ARHGEF7: variants seen among roughly 807,000 people sequenced by gnomAD.
ARHGEF7 encodes the protein PAK-interacting exchange factor beta.
A neutral mutation model predicts 109.8 loss-of-function variants in ARHGEF7; 33 were observed. The observed-to-expected ratio is 0.30, with a 90% CI of 0.23 to 0.40. The LOEUF is 0.40. Among genes scored for constraint, ARHGEF7 ranks in the 10% least tolerant of loss-of-function variants. The pLI is 1.00. For missense variants in ARHGEF7, 938 were observed against 1,098.5 expected (o/e 0.85, Z 2.07); for synonymous variants, 458 against 424.6 (o/e 1.08, Z -0.97).
At chr13:111,237,013 T>C (rs920869779) in intron 6 of ARHGEF7, among the ~76,000 whole-genome samples, 3 of 152,136 alleles carry the variant, frequency 2.0e-5, no homozygotes, top group African/African-American at 7.2e-5. Flanking sequence ...CTCTTGCCAG[T>C]GATCTGTATG....
chr13:111,227,820 C>T (rs2085418760), intron 5 of ARHGEF7, among the ~76,000 whole-genome samples: 1 of 152,208 alleles, frequency 6.6e-6, no homozygotes, highest in African/African-American at 2.4e-5. Flanking sequence ...TGGCAGATAC[C>T]TCCTGATGCC....
At chr13:111,279,554 T>G (rs1216700763) in intron 13 of ARHGEF7, among the ~76,000 whole-genome samples, 1 of 152,238 alleles carries the variant, frequency 6.6e-6, no homozygotes, top group Non-Finnish European at 1.5e-5. Context: ...AGACGCCCAC[T>G]GCCTCTTCCT....
chr13:111,277,822 G>A (rs779821012), intron 13 of ARHGEF7, 149 bp downstream of exon 13: 2 of 572,276 alleles, frequency 3.5e-6, no homozygotes, highest in Admixed American at 3.1e-5. Flanking sequence ...TACAGCTCCT[G>A]TTTGTGTTTC....
intron 1 of ARHGEF7, among the ~76,000 whole-genome samples, chr13:111,136,493 T>C (rs1485766975): frequency 2.0e-5 from 3 of 152,234 alleles, no homozygotes; most frequent in Non-Finnish European, 4.4e-5. Context: ...CCTGAATGAC[T>C]ACTGGGTACA....
At position 111,239,609 on chromosome 13, in the gene ARHGEF7, C is replaced by A. The variant is rs2087414913; in HGVS notation, c.760-4263C>A. On this transcript the variant is annotated intron_variant, in intron 6 of 21. Coordinates refer to ENST00000646102, the MANE Select transcript of ARHGEF7 (RefSeq NM_001354046.2). This position sits in a 1 kb window ranked among gnomAD's most constrained non-coding sequence, Gnocchi z 4.3. ...AAGATTTCTGTTAAATCTTTTGACT[C>A]CTGAAGTCTCTGCTTGGGGCCCGTA... Among the ~76,000 whole-genome samples the A allele has an allele frequency of 6.6e-6, 1 of 152,026 alleles. No individual in the cohort carries two copies. The highest frequency in any genetic ancestry group is 1.5e-5 in the Non-Finnish European group (1 of 67,992).
intron 8 of ARHGEF7, among the ~76,000 whole-genome samples, chr13:111,254,059 A>C (rs2090113698): frequency 6.6e-6 from 1 of 152,112 alleles, no homozygotes; most frequent in Non-Finnish European, 1.5e-5. Context: ...CTCAAGTTGA[A>C]CCATTGTGGT....
intron 15 of ARHGEF7, 182 bp downstream of exon 15, chr13:111,280,859 A>G (rs930027228): frequency 1.4e-5 from 9 of 663,572 alleles, no homozygotes; most frequent in African/African-American, 5.6e-5. Context: ...TTGTTTTCCA[A>G]TGAGTGTTCT....
intron 15 of ARHGEF7, chr13:111,280,914 G>A: frequency 5.5e-6 from 2 of 366,600 alleles, no homozygotes; most frequent in Non-Finnish European, 9.5e-6. Flanking sequence ...CAGTTCAGAG[G>A]TGCTTGGGTG....
At chr13:111,247,728 A>G (rs2089130772) in intron 8 of ARHGEF7, among the ~76,000 whole-genome samples, 1 of 152,224 alleles carries the variant, frequency 6.6e-6, no homozygotes, top group African/African-American at 2.4e-5. Context: ...TTCTATAAAC[A>G]AAGTTTCACT....
intron 17 of ARHGEF7, among the ~76,000 whole-genome samples, chr13:111,286,627 G>A (rs1369189745): frequency 6.6e-6 from 1 of 152,138 alleles, no homozygotes. Flanking sequence ...GACCTGCTGT[G>A]TTCTCCTGTG....
intron 8 of ARHGEF7, among the ~76,000 whole-genome samples, chr13:111,245,504 G>A (rs753129500): frequency 6.6e-5 from 10 of 152,112 alleles, no homozygotes; most frequent in African/African-American, 1.9e-4. Flanking sequence ...TTCAAATGCC[G>A]ATCAACTGTA....
intron 1 of ARHGEF7, among the ~76,000 whole-genome samples, chr13:111,126,463 C>T (rs1441173466): frequency 1.3e-5 from 2 of 150,404 alleles, no homozygotes; most frequent in Admixed American, 6.7e-5. Flanking sequence ...GCACTCCAGC[C>T]TGGGCAGCTG....
Position 111,209,881 on chromosome 13 carries a change from T to G in ARHGEF7, c.347T>G (p.Leu116Arg). 2 of 1,614,204 alleles carry G rather than the reference T, an allele frequency of 1.2e-6. No individual in the cohort carries two copies. Among genetic ancestry groups the G allele is most frequent in the Non-Finnish European group, 1.7e-6 (2 of 1,180,028 alleles). The change falls in exon 4 of 22, where the codon CTG (leucine) becomes CGG (arginine). Residue 116 changes from leucine (L) to arginine (R), a missense_variant. Leu to Arg is a moderately radical substitution (Grantham distance 102). This residue lies in a region of ARHGEF7 where 585 missense variants were observed against 723.6 expected (regional missense o/e 0.81). Coordinates refer to ENST00000646102, the MANE Select transcript of ARHGEF7 (RefSeq NM_001354046.2). Reference sequence around the variant, plus strand: ...TGCATGCTCTTTGCAGACATCGGGCTGGGGAGTGACTCCGTGTGTGCCCGG... The same window carrying G: ...TGCATGCTCTTTGCAGACATCGGGCGGGGGAGTGACTCCGTGTGTGCCCGG... ...TLNKVTADIG[L>R]GSDSVCARPS...
chr13:111,262,409 T>TGTGC (rs2091198089), intron 8 of ARHGEF7, among the ~76,000 whole-genome samples: 1 of 151,876 alleles, frequency 6.6e-6, no homozygotes, highest in Non-Finnish European at 1.5e-5. Context: ...TGTGTGTGTG[T>TGTGC]GTGCATGTGT....
chr13:111,167,884 G>A (rs1314196105), intron 2 of ARHGEF7, among the ~76,000 whole-genome samples: 5 of 152,330 alleles, frequency 3.3e-5, no homozygotes, highest in East Asian at 3.9e-4. Flanking sequence ...ACACCAGAGC[G>A]TGACAGCGAC....
At chr13:111,188,238 CT>C (rs1467541118) in intron 2 of ARHGEF7, among the ~76,000 whole-genome samples, 5 of 152,216 alleles carry the variant, frequency 3.3e-5, no homozygotes, top group Non-Finnish European at 5.9e-5. Flanking sequence ...AGGCCTTAGG[CT>C]GCCAGAATCC....
At chr13:111,262,219 G>A (rs2091168024) in intron 8 of ARHGEF7, among the ~76,000 whole-genome samples, 1 of 152,104 alleles carries the variant, frequency 6.6e-6, no homozygotes, top group Non-Finnish European at 1.5e-5. Flanking sequence ...AAAAAGAGAA[G>A]ACCCAAATAA....
At chr13:111,199,861 C>T (rs151015522) in intron 2 of ARHGEF7, among the ~76,000 whole-genome samples, 95 of 152,222 alleles carry the variant, frequency 6.2e-4, no homozygotes, top group African/African-American at 2.1e-3. Flanking sequence ...CAGTGGGGAA[C>T]GGGCACCAGA....
chr13:111,280,477 T>C, intron 14 of ARHGEF7, 61 bp from the exon 15 acceptor site: 10 of 1,576,988 alleles, frequency 6.3e-6, no homozygotes, highest in Non-Finnish European at 8.6e-6. Flanking sequence ...CTGGGGGGTG[T>C]GCACGCACGT....
Sources: gnomAD v4.1 joint callset for allele counts (sites outside exome capture counted in the v4.1 genomes callset) on GRCh38, gnomAD v4.1.1 for gene constraint, gnomAD v4.1.1 regional missense constraint, Gnocchi (gnomAD v3.1) non-coding constraint, MANE v1.5 for transcripts, NCBI Gene and HGNC (gene_info 2026-07-23, HGNC 2026-07-21) for gene names.